TRAPPC9: variants seen among roughly 807,000 people sequenced by gnomAD.
TRAPPC9 encodes IKK2 binding protein.
In TRAPPC9, 83 loss-of-function variants were observed where a neutral mutation model predicts 124.0. The observed-to-expected ratio is 0.67, with a 90% CI of 0.56 to 0.80. The LOEUF is 0.80. Ranked by LOEUF, TRAPPC9 falls within the 30% of genes least tolerant of loss-of-function variation. The pLI is 0.00. For synonymous variants in TRAPPC9, 638 were observed against 617.5 expected (o/e 1.03, Z -0.49); for missense variants, 1,302 against 1,508.3 (o/e 0.86, Z 2.27).
intron 18 of TRAPPC9, among the ~76,000 whole-genome samples, chr8:140,021,261 A>G (rs930316283): frequency 3.3e-5 from 5 of 152,114 alleles, no homozygotes; most frequent in Admixed American, 3.3e-4. Flanking sequence ...CTGGCTTATC[A>G]TCCATTCCTT....
intron 17 of TRAPPC9, among the ~76,000 whole-genome samples, chr8:140,070,579 A>G (rs1843108780): frequency 6.6e-6 from 1 of 152,170 alleles, no homozygotes; most frequent in Non-Finnish European, 1.5e-5. Flanking sequence ...CTTGCTCCAT[A>G]ATTAGACAAG....
intron 21 of TRAPPC9, among the ~76,000 whole-genome samples, chr8:139,877,743 C>G (rs1829414172): frequency 6.6e-6 from 1 of 152,156 alleles, no homozygotes; most frequent in Non-Finnish European, 1.5e-5. Context: ...GGGCTCCAAG[C>G]CTGAGGAACA....
At chr8:140,196,909 G>A (rs1252409798) in intron 17 of TRAPPC9, among the ~76,000 whole-genome samples, 8 of 152,228 alleles carry the variant, frequency 5.3e-5, no homozygotes, top group African/African-American at 1.9e-4. Context: ...CCACTATACA[G>A]ATCATACCTG....
intron 17 of TRAPPC9, among the ~76,000 whole-genome samples, chr8:140,105,907 T>C (rs1451956474): frequency 1.3e-5 from 2 of 151,988 alleles, no homozygotes; most frequent in African/African-American, 4.8e-5. Context: ...TAGGAGACCT[T>C]GTGTGGCAGA....
chr8:140,015,358 C>T (rs2131871498), intron 18 of TRAPPC9, among the ~76,000 whole-genome samples: 1 of 152,232 alleles, frequency 6.6e-6, no homozygotes, highest in African/African-American at 2.4e-5. Context: ...TCTAACATGG[C>T]GTGATGCCAG....
intron 19 of TRAPPC9, among the ~76,000 whole-genome samples, chr8:139,987,395 C>A (rs1053751821): frequency 1.3e-5 from 2 of 152,194 alleles, no homozygotes; most frequent in African/African-American, 2.4e-5. Context: ...TGCTCCACAC[C>A]CTCACCAACA....
chr8:139,850,353 C>A (rs1827362928), intron 21 of TRAPPC9, among the ~76,000 whole-genome samples: 1 of 152,180 alleles, frequency 6.6e-6, no homozygotes, highest in Non-Finnish European at 1.5e-5. Context: ...ACCCAGGGCT[C>A]CTGACTCGCA....
intron 2 of TRAPPC9, among the ~76,000 whole-genome samples, chr8:140,441,208 T>C (rs972150702): frequency 1.3e-5 from 2 of 152,168 alleles, no homozygotes; most frequent in East Asian, 3.9e-4. Context: ...CTCGAACTCC[T>C]GGGCTCAAGT....
rs567998546 is a variant in TRAPPC9 at position 139,737,178 on chromosome 8, TC to T, written c.3056-4977del. 1.1e-4 allele frequency among the ~76,000 whole-genome samples: 17 copies of T among 152,254 alleles called. No individual in the cohort carries two copies. In the South Asian group the frequency reaches 3.5e-3, roughly 32 times the overall value. On this transcript the variant is annotated intron_variant, in intron 21 of 22. Coordinates refer to ENST00000438773, the MANE Select transcript of TRAPPC9 (RefSeq NM_001160372.4). ...CTCCTGGCTCCCCCAGCATTCGGCT[TC>T]TATCGGCGCTCCCCAGGCAGGCCCT...
At chr8:140,170,390 T>C (rs886529365) in intron 17 of TRAPPC9, among the ~76,000 whole-genome samples, 18 of 152,188 alleles carry the variant, frequency 1.2e-4, no homozygotes, top group Admixed American at 1.3e-4. Context: ...GCTCAGCCAA[T>C]AAGCAAAAGA....
intron 21 of TRAPPC9, among the ~76,000 whole-genome samples, chr8:139,761,999 G>T (rs1820264366): frequency 6.6e-6 from 1 of 151,690 alleles, no homozygotes; most frequent in Non-Finnish European, 1.5e-5. Context: ...GCCGTGCCTG[G>T]ATCTATAGGT....
At chr8:140,248,176 T>TG (rs2131474764) in intron 16 of TRAPPC9, among the ~76,000 whole-genome samples, 1 of 152,290 alleles carries the variant, frequency 6.6e-6, no homozygotes, top group African/African-American at 2.4e-5. Context: ...ATTCTGTGTT[T>TG]GGGGGTGGTA....
At chr8:140,244,700 C>T (rs2063936611) in intron 16 of TRAPPC9, among the ~76,000 whole-genome samples, 1 of 146,950 alleles carries the variant, frequency 6.8e-6, no homozygotes, top group African/African-American at 2.7e-5. Context: ...CTGGATAATT[C>T]CTTCATGAAA....
intron 9 of TRAPPC9, among the ~76,000 whole-genome samples, chr8:140,337,768 T>C (rs984515429): frequency 5.9e-5 from 9 of 151,992 alleles, no homozygotes; most frequent in Admixed American, 2.0e-4. Flanking sequence ...AGCCAAGGCT[T>C]AGGAGGGCAG....
intron 2 of TRAPPC9, among the ~76,000 whole-genome samples, chr8:140,447,647 G>A (rs1047310702): frequency 6.6e-5 from 10 of 152,150 alleles, no homozygotes; most frequent in African/African-American, 2.4e-4. Context: ...CGTGTACCGG[G>A]GAACTCCAGG....
At chr8:140,162,833 A>G (rs909665608) in intron 17 of TRAPPC9, among the ~76,000 whole-genome samples, 10 of 151,958 alleles carry the variant, frequency 6.6e-5, no homozygotes, top group African/African-American at 2.4e-4. Context: ...ACAAGAAAAT[A>G]TTTTTTTAAT....
chr8:140,066,511 A>G (rs559540552), intron 17 of TRAPPC9, among the ~76,000 whole-genome samples: 49 of 152,376 alleles, frequency 3.2e-4, no homozygotes, highest in African/African-American at 1.1e-3. Flanking sequence ...AGCTGGGGCA[A>G]GACCTGTGAG....
In TRAPPC9 at chr8:140,353,861, G is replaced by T. The variant is rs1467822687; in HGVS notation, c.1495+6189C>A. On this transcript the variant is annotated intron_variant, in intron 9 of 22. Transcript: ENST00000438773. This position sits in a 1 kb window ranked among gnomAD's most constrained non-coding sequence, Gnocchi z 4.2. ...GCTGCTCCAGATATGCGTGACAGTT[G>T]GTGTCTTTGAGGAGCTTAGAGGCTT... Among the ~76,000 whole-genome samples the T allele has an allele frequency of 6.6e-6, 1 of 152,198 alleles. No individual in the cohort carries two copies. The highest frequency in any genetic ancestry group is 1.5e-5 in the Non-Finnish European group (1 of 68,028).
chr8:140,012,948 A>G (rs966117367), intron 18 of TRAPPC9, among the ~76,000 whole-genome samples: 2 of 152,182 alleles, frequency 1.3e-5, no homozygotes, highest in African/African-American at 4.8e-5. Context: ...CAGGGTGTGT[A>G]GCAAGGCAAC....
Sources: gnomAD v4.1 joint callset for allele counts (sites outside exome capture counted in the v4.1 genomes callset) on GRCh38, gnomAD v4.1.1 for gene constraint, Gnocchi (gnomAD v3.1) non-coding constraint, MANE v1.5 for transcripts, NCBI Gene and HGNC (gene_info 2026-07-23, HGNC 2026-07-21) for gene names.